The following NTNG1 variants were observed in gnomAD, a reference collection of about 807,000 sequenced individuals.
The protein encoded by NTNG1 is netrin-G1.
Under a neutral mutation model 54.0 loss-of-function variants are expected in NTNG1, and 16 were observed. That is an observed-to-expected ratio of 0.30 (90% confidence interval 0.20 to 0.45). The LOEUF is 0.45. Among genes scored for constraint, NTNG1 ranks in the 20% least tolerant of loss-of-function variants. The pLI is 1.00. For missense variants in NTNG1, 530 were observed against 678.7 expected (o/e 0.78, Z 2.43); for synonymous variants, 255 against 263.1 (o/e 0.97, Z 0.30).
At chr1:107,304,295 C>A (rs968882491) in intron 2 of NTNG1, among the ~76,000 whole-genome samples, 7 of 149,270 alleles carry the variant, frequency 4.7e-5, no homozygotes, top group African/African-American at 1.5e-4. Flanking sequence ...ATTTTTATTT[C>A]TCTTCTAGTA....
chr1:107,176,543 A>C (rs1656663821), intron 2 of NTNG1, among the ~76,000 whole-genome samples: 2 of 152,186 alleles, frequency 1.3e-5, no homozygotes, highest in Non-Finnish European at 2.9e-5. Context: ...GACAGGATGA[A>C]CTGCATATAC....
intron 5 of NTNG1, among the ~76,000 whole-genome samples, chr1:107,415,284 G>A (rs144203147): frequency 1.3e-5 from 2 of 152,190 alleles, no homozygotes; most frequent in East Asian, 1.9e-4. Flanking sequence ...ACAGTCAAAA[G>A]GTCCATAGTC....
intron 2 of NTNG1, among the ~76,000 whole-genome samples, chr1:107,226,338 C>A (rs1660682371): frequency 6.6e-6 from 1 of 152,118 alleles, no homozygotes; most frequent in African/African-American, 2.4e-5. Flanking sequence ...CAGATGCAAC[C>A]ATTAACACAG....
chr1:107,384,452 T>A (rs1671841925), intron 3 of NTNG1, among the ~76,000 whole-genome samples: 1 of 152,190 alleles, frequency 6.6e-6, no homozygotes, highest in African/African-American at 2.4e-5. Flanking sequence ...TCTCTCTATA[T>A]ATATGACCAC....
chr1:107,201,353 C>A (rs899959750), intron 2 of NTNG1, among the ~76,000 whole-genome samples: 1 of 151,740 alleles, frequency 6.6e-6, no homozygotes, highest in African/African-American at 2.4e-5. Flanking sequence ...CTGAATCTCG[C>A]CCTACTCTCG....
intron 3 of NTNG1, among the ~76,000 whole-genome samples, chr1:107,390,760 A>G (rs1160775815): frequency 6.6e-6 from 1 of 152,202 alleles, no homozygotes; most frequent in Non-Finnish European, 1.5e-5. Context: ...AGCACTTATT[A>G]TGTGCCAAGA....
intron 2 of NTNG1, among the ~76,000 whole-genome samples, chr1:107,158,042 C>T (rs530483861): frequency 1.3e-5 from 2 of 152,130 alleles, no homozygotes; most frequent in Non-Finnish European, 2.9e-5. Context: ...TCTTTTGTTC[C>T]TATTATAAGA....
intron 7 of NTNG1, among the ~76,000 whole-genome samples, chr1:107,469,199 A>T (rs1308391698): frequency 6.6e-6 from 1 of 151,854 alleles, no homozygotes; most frequent in East Asian, 1.9e-4. Flanking sequence ...CCCCAAGTGT[A>T]TATTGTTTCA....
intron 2 of NTNG1, among the ~76,000 whole-genome samples, chr1:107,304,794 G>T (rs1570633206): frequency 6.7e-6 from 1 of 149,824 alleles, no homozygotes; most frequent in Admixed American, 6.7e-5. Flanking sequence ...ATGCAGATTT[G>T]TTACATAGGT....
intron 2 of NTNG1, among the ~76,000 whole-genome samples, chr1:107,297,216 C>CATATATATATATATATAT (rs755223720): frequency 3.2e-4 from 5 of 15,490 alleles, no homozygotes; most frequent in African/African-American, 8.5e-4. Flanking sequence ...TATATACCAT[C>CATATATATATATATATAT]ATATATATAT....
At position 107,148,438 on chromosome 1, in the gene NTNG1, G is replaced by C; in HGVS notation, c.-156G>C. 1 of 664,646 alleles carries C rather than the reference G, an allele frequency of 1.5e-6. No individual in the cohort carries two copies. The highest frequency in any genetic ancestry group is 2.6e-6 in the Non-Finnish European group (1 of 387,862). 41.2% of individuals were successfully genotyped at this position (664,646 alleles called of 1,614,324 possible). On this transcript the variant is annotated 5_prime_UTR_variant, in exon 2 of 8. Coordinates refer to ENST00000370068, the MANE Select transcript of NTNG1 (RefSeq NM_001113226.3). Reference sequence around the variant, plus strand: ...CTCTTCATATTTGGTTTTGGGATCTGCTTTGAGGTCCCATCTTCATTTAAA... The same window carrying C: ...CTCTTCATATTTGGTTTTGGGATCTCCTTTGAGGTCCCATCTTCATTTAAA...
intron 2 of NTNG1, among the ~76,000 whole-genome samples, chr1:107,278,040 C>T (rs1398782058): frequency 1.3e-5 from 2 of 152,194 alleles, no homozygotes; most frequent in Admixed American, 6.5e-5. Context: ...TTTCCCTGCT[C>T]AATCCCACTC....
intron 7 of NTNG1, among the ~76,000 whole-genome samples, chr1:107,479,420 GTA>G (rs1678549035): frequency 6.6e-6 from 1 of 152,208 alleles, no homozygotes; most frequent in South Asian, 2.1e-4. Flanking sequence ...TTGGGTATGT[GTA>G]TATGAGTGTG....
At chr1:107,230,063 T>C (rs1423980662) in intron 2 of NTNG1, among the ~76,000 whole-genome samples, 1 of 152,274 alleles carries the variant, frequency 6.6e-6, no homozygotes, top group East Asian at 1.9e-4. Flanking sequence ...AGGCAAAATA[T>C]GGAAGATAAA....
chr1:107,441,706 G>T (rs772807384), intron 7 of NTNG1, among the ~76,000 whole-genome samples: 1 of 152,030 alleles, frequency 6.6e-6, no homozygotes, highest in Non-Finnish European at 1.5e-5. Flanking sequence ...GGATCAGGAT[G>T]TAGACATCTT....
chr1:107,351,228 C>A (rs1366317840), intron 3 of NTNG1, among the ~76,000 whole-genome samples: 3 of 152,178 alleles, frequency 2.0e-5, no homozygotes, highest in African/African-American at 7.2e-5. Flanking sequence ...TTGCCACTCA[C>A]AATAAAGTCC....
At chr1:107,460,569 A>G (rs1212386780) in intron 7 of NTNG1, among the ~76,000 whole-genome samples, 1 of 152,196 alleles carries the variant, frequency 6.6e-6, no homozygotes, top group Non-Finnish European at 1.5e-5. Context: ...ACTGCTGGGG[A>G]AAAAGGCAGC....
chr1:107,443,264 C>T (rs1427520452), intron 7 of NTNG1, among the ~76,000 whole-genome samples: 1 of 152,080 alleles, frequency 6.6e-6, no homozygotes, highest in Non-Finnish European at 1.5e-5. Context: ...CTCATACTTC[C>T]CACTAACCGT....
At chr1:107,417,060 T>C (rs545042547) in intron 5 of NTNG1, among the ~76,000 whole-genome samples, 1 of 152,126 alleles carries the variant, frequency 6.6e-6, no homozygotes, top group Admixed American at 6.6e-5. Flanking sequence ...AGGCTTGTCC[T>C]ATTAATTCAA....
Sources: gnomAD v4.1 joint callset for allele counts (sites outside exome capture counted in the v4.1 genomes callset) on GRCh38, gnomAD v4.1.1 for gene constraint, MANE v1.5 for transcripts, NCBI Gene and HGNC (gene_info 2026-07-23, HGNC 2026-07-21) for gene names.